The following NSUN3 variants were observed in gnomAD, a reference collection of about 807,000 sequenced individuals.
NSUN3 encodes the protein tRNA (cytosine(34)-C(5))-methyltransferase, mitochondrial.
A neutral mutation model predicts 36.8 loss-of-function variants in NSUN3; 24 were observed. The ratio of observed to expected loss-of-function variants is 0.65; its 90% CI spans 0.47 to 0.92. The LOEUF (loss-of-function observed/expected upper bound fraction) is 0.92. NSUN3 is among the 40% of genes least tolerant of loss of function. The probability of loss-of-function intolerance (pLI) is 0.00; values close to 1 mark genes in which losing one functional copy is unlikely to be tolerated. For synonymous variants in NSUN3, 146 were observed against 145.2 expected, an observed-to-expected ratio of 1.01 and a Z score of -0.04; for missense variants, 381 against 392.8, an observed-to-expected ratio of 0.97 and a Z score of 0.25.
chr3:94,102,083 C>A (rs1159845104), intron 5 of NSUN3, among the ~76,000 whole-genome samples: 1 of 150,740 alleles, frequency 6.6e-6, no homozygotes, highest in East Asian at 2.0e-4. Context: ...TTTGTGAGCT[C>A]ATTGAAAAAG....
intron 5 of NSUN3, among the ~76,000 whole-genome samples, chr3:94,099,343 C>T (rs2077355751): frequency 6.6e-6 from 1 of 152,086 alleles, no homozygotes; most frequent in Non-Finnish European, 1.5e-5. Context: ...TCTTATGTCC[C>T]AGCAACTAAG....
intron 2 of NSUN3, among the ~76,000 whole-genome samples, chr3:94,080,529 G>A (rs2077264187): frequency 6.6e-6 from 1 of 152,238 alleles, no homozygotes; most frequent in African/African-American, 2.4e-5. Context: ...TTCCCCAGGT[G>A]CTCTGTCCCA....
At chr3:94,099,589 G>A (rs1029485381) in intron 5 of NSUN3, among the ~76,000 whole-genome samples, 5 of 152,012 alleles carry the variant, frequency 3.3e-5, no homozygotes, top group African/African-American at 4.8e-5. Context: ...CTGCCTGAGA[G>A]GTTTTGGAAT....
Position 94,076,785 on chromosome 3 carries a change from C to A in NSUN3, c.123-7322C>A, listed in dbSNP as rs2077248319. 1.9e-6 allele frequency: 3 copies of A among 1,557,424 alleles called. No homozygotes were observed. In the South Asian group the frequency reaches 3.3e-5, roughly 17 times the overall value. Reference sequence around the variant, plus strand: ...CAAGGATTCTGGGGCATATAACGGGCCCTGTTTACTTCTCCTTCATGGTTG... The same window carrying A: ...CAAGGATTCTGGGGCATATAACGGGACCTGTTTACTTCTCCTTCATGGTTG... On this transcript the variant is annotated intron_variant, in intron 2 of 5. Coordinates refer to ENST00000314622, the MANE Select transcript of NSUN3 (RefSeq NM_022072.5).
chr3:94,085,137 G>C (rs941486915), intron 3 of NSUN3: 1 of 152,006 alleles, frequency 6.6e-6, no homozygotes, highest in Non-Finnish European at 1.5e-5. Flanking sequence ...TGAGAAGAGG[G>C]TATAGTATTG....
Position 94,131,334 on chromosome 3 carries a change from G to A in NSUN3, c.*4844G>A, listed in dbSNP as rs2077507838. 6.6e-6 allele frequency among the ~76,000 whole-genome samples: 1 copy of A among 152,128 alleles called. No individual in the cohort carries two copies. Among genetic ancestry groups the A allele is most frequent in the African/African-American group, 2.4e-5 (1 of 41,430 alleles). On this transcript the variant is annotated 3_prime_UTR_variant, in exon 6 of 6. Coordinates refer to ENST00000314622, the MANE Select transcript of NSUN3 (RefSeq NM_022072.5). Reference sequence around the variant, plus strand: ...AAAGGGTAGAGCCGCGATCAAAACTGGCTCCGAGGTCCAGGCCCTTTTCCC... The same window carrying A: ...AAAGGGTAGAGCCGCGATCAAAACTAGCTCCGAGGTCCAGGCCCTTTTCCC...
intron 5 of NSUN3, among the ~76,000 whole-genome samples, chr3:94,114,984 A>G (rs1361001529): frequency 6.6e-6 from 1 of 152,058 alleles, no homozygotes; most frequent in Non-Finnish European, 1.5e-5. Flanking sequence ...TAGTTTAAAG[A>G]AAGTGTAAGA....
At chr3:94,123,614 T>A (rs1289974170) in intron 5 of NSUN3, among the ~76,000 whole-genome samples, 1 of 152,092 alleles carries the variant, frequency 6.6e-6, no homozygotes, top group Non-Finnish European at 1.5e-5. Flanking sequence ...ACAGTTTTCA[T>A]CAAGACCCTC....
intron 2 of NSUN3, chr3:94,076,266 A>G (rs1334262945): frequency 1.1e-6 from 1 of 899,188 alleles, no homozygotes; most frequent in Admixed American, 1.7e-5. Flanking sequence ...CATAAGTTTC[A>G]GATTTCTCAG....
At chr3:94,090,878 G>A (rs1020747052) in intron 3 of NSUN3, among the ~76,000 whole-genome samples, 4 of 152,096 alleles carry the variant, frequency 2.6e-5, no homozygotes, top group African/African-American at 9.7e-5. Flanking sequence ...TACCCAAGTA[G>A]AGCATCTAAT....
intron 3 of NSUN3, among the ~76,000 whole-genome samples, chr3:94,088,961 G>A (rs2077304273): frequency 6.6e-6 from 1 of 152,232 alleles, no homozygotes; most frequent in Non-Finnish European, 1.5e-5. Flanking sequence ...GAGCCCCCAC[G>A]CCTGGCCCAG....
In NSUN3 at chr3:94,086,005, G is replaced by A. The variant is rs150726839; in HGVS notation, c.466+1555G>A. Among the ~76,000 whole-genome samples, 165 of 150,674 alleles carry A rather than the reference G, an allele frequency of 1.1e-3. 1 individual carries two copies. The highest frequency in any genetic ancestry group is 3.7e-3 in the African/African-American group (150 of 40,902). On this transcript the variant is annotated intron_variant, in intron 3 of 5. Transcript: ENST00000314622. The stretch of plus-strand genomic sequence containing the variant: ...GTCTCCCAGGCTGCAGTGCAGTGGC[G>A]TGATATCAGCTCACTCCAACCTCTG...
Position 94,128,809 on chromosome 3 carries a change from A to AC in NSUN3, c.*2322dup, listed in dbSNP as rs2077498680. 6.6e-6 allele frequency among the ~76,000 whole-genome samples: 1 copy of AC among 152,040 alleles called. No individual in the cohort carries two copies. Among genetic ancestry groups the AC allele is most frequent in the South Asian group, 2.1e-4 (1 of 4,818 alleles). ...TAAATCAGCAAGCAAAAAACAAATA[A>AC]CCCTATTAAAAACTGAGCAAAGGAC... On this transcript the variant is annotated 3_prime_UTR_variant, in exon 6 of 6. Transcript: ENST00000314622.
intron 3 of NSUN3, chr3:94,084,838 A>T (rs950330115): frequency 6.0e-6 from 1 of 166,828 alleles, no homozygotes; most frequent in African/African-American, 2.4e-5. Context: ...ATGTCAATAG[A>T]CTATAAGGTT....
chr3:94,118,694 T>C (rs1576102102), intron 5 of NSUN3, among the ~76,000 whole-genome samples: 1 of 147,480 alleles, frequency 6.8e-6, no homozygotes. Flanking sequence ...TCCTCTTATT[T>C]AAAAAAAAAA....
chr3:94,081,113 G>T (rs1560031595), intron 2 of NSUN3, among the ~76,000 whole-genome samples: 1 of 152,168 alleles, frequency 6.6e-6, no homozygotes, highest in African/African-American at 2.4e-5. Flanking sequence ...GGGCTGGAGT[G>T]CATGGTTCCT....
chr3:94,098,142 G>A (rs1428749397), intron 5 of NSUN3, among the ~76,000 whole-genome samples: 7 of 152,030 alleles, frequency 4.6e-5, no homozygotes, highest in East Asian at 1.9e-4. Context: ...TAAATGCCAC[G>A]CCACCATATA....
chr3:94,111,685 C>G (rs2107267781), intron 5 of NSUN3, among the ~76,000 whole-genome samples: 1 of 152,204 alleles, frequency 6.6e-6, no homozygotes, highest in African/African-American at 2.4e-5. Flanking sequence ...ATATCACTGT[C>G]TTCCACCTCC....
intron 5 of NSUN3, among the ~76,000 whole-genome samples, chr3:94,107,974 C>CTTTTTTTTTTT (rs11437686): frequency 1.7e-5 from 2 of 114,462 alleles, no homozygotes; most frequent in Non-Finnish European, 1.7e-5. Flanking sequence ...TTTTTTTTTC[C>CTTTTTTTTTTT]TTTTTTTTTT....
Sources: allele counts gnomAD v4.1 joint callset (sites outside exome capture counted in the v4.1 genomes callset), GRCh38; gene constraint gnomAD v4.1.1; transcripts MANE v1.5; gene names NCBI Gene and HGNC (gene_info 2026-07-23, HGNC 2026-07-21).